DIAPH3: variants seen among roughly 807,000 people sequenced by gnomAD.
The protein encoded by DIAPH3 is diaphanous related formin 3, also known as protein diaphanous homolog 3.
DIAPH3 carries 117 observed loss-of-function variants against 144.3 expected under a neutral mutation model. That is an observed-to-expected ratio of 0.81 (90% CI 0.70 to 0.95). The LOEUF (loss-of-function observed/expected upper bound fraction) is 0.95. Ranked by LOEUF, DIAPH3 falls within the 40% of genes least tolerant of loss-of-function variation. The pLI is 0.00. For synonymous variants in DIAPH3, 519 were observed against 488.9 expected (o/e 1.06, Z -0.81); for missense variants, 1,421 against 1,412.7 (o/e 1.01, Z -0.09).
chr13:60,063,759 T>G (rs1594555944), intron 4 of DIAPH3, among the ~76,000 whole-genome samples: 1 of 152,160 alleles, frequency 6.6e-6, no homozygotes, highest in South Asian at 2.1e-4. Context: ...AAACCCTGTC[T>G]CTACTAAAAA....
At position 59,981,857 on chromosome 13, in the gene DIAPH3, T is replaced by A. The variant is rs181788497; in HGVS notation, c.1481-998A>T. ...TACATAAGTATTATTTCTTGATTTA[T>A]CTATTTAAGACATTATAGATAACTT... On this transcript the variant is annotated intron_variant, in intron 13 of 27. Coordinates refer to ENST00000400324, the MANE Select transcript of DIAPH3 (RefSeq NM_001042517.2). Among the ~76,000 whole-genome samples, 9 of 151,628 alleles carry A rather than the reference T, an allele frequency of 5.9e-5. No homozygotes were observed. The East Asian group carries it at 1.4e-3, about 23-fold the overall frequency.
intron 19 of DIAPH3, among the ~76,000 whole-genome samples, chr13:59,915,826 T>C (rs958999476): frequency 6.6e-6 from 1 of 152,046 alleles, no homozygotes; most frequent in African/African-American, 2.4e-5. Flanking sequence ...GAAAAACACA[T>C]TCTAAAAGGG....
chr13:59,774,973 T>C, intron 25 of DIAPH3, 150 bp from the exon 26 acceptor site: 1 of 686,254 alleles, frequency 1.5e-6, no homozygotes, highest in South Asian at 1.6e-5. Flanking sequence ...GACAGGACTT[T>C]AACTCTCTCA....
chr13:59,711,145 C>T (rs1006104526), intron 27 of DIAPH3, among the ~76,000 whole-genome samples: 11 of 152,070 alleles, frequency 7.2e-5, no homozygotes, highest in Non-Finnish European at 1.5e-4. Flanking sequence ...GTTCTTGAAC[C>T]GTGAAAGTAA....
In DIAPH3 at chr13:59,794,853, T is replaced by C. The variant is rs755206266; in HGVS notation, c.3163+15935A>G. On this transcript the variant is annotated intron_variant, in intron 25 of 27. Transcript: ENST00000400324. ...TAAACATTTTGGAATATTTCTAACATGCTGTTTAGGAATGATTAATTTTCC... is the reference window on the plus strand; with the variant it reads ...TAAACATTTTGGAATATTTCTAACACGCTGTTTAGGAATGATTAATTTTCC... 4.6e-5 allele frequency among the ~76,000 whole-genome samples: 7 copies of C among 152,348 alleles called. No homozygotes were observed. In the East Asian group the frequency reaches 1.3e-3, roughly 29 times the overall value.
chr13:60,068,550 T>C (rs1187199296), intron 4 of DIAPH3, among the ~76,000 whole-genome samples: 1 of 152,162 alleles, frequency 6.6e-6, no homozygotes, highest in Non-Finnish European at 1.5e-5. Context: ...GTTTGTTACT[T>C]GGATAAACTG....
chr13:59,948,355 C>T (rs2048909205), intron 17 of DIAPH3, among the ~76,000 whole-genome samples: 1 of 152,208 alleles, frequency 6.6e-6, no homozygotes, highest in Non-Finnish European at 1.5e-5. Context: ...TATACTTCCA[C>T]ATTTTCTACT....
intron 18 of DIAPH3, among the ~76,000 whole-genome samples, chr13:59,918,538 TAAGAACC>T (rs1383913979): frequency 2.0e-5 from 3 of 151,978 alleles, no homozygotes; most frequent in Admixed American, 6.6e-5. Context: ...GCAACAACAT[TAAGAACC>T]ACGAAAGTAA....
intron 4 of DIAPH3, among the ~76,000 whole-genome samples, chr13:60,062,018 G>A (rs1183479992): frequency 2.6e-5 from 4 of 151,904 alleles, no homozygotes; most frequent in East Asian, 3.9e-4. Context: ...TAACCCCCTC[G>A]GCAGGAGATA....
intron 20 of DIAPH3, among the ~76,000 whole-genome samples, chr13:59,890,742 T>C (rs2045739078): frequency 6.6e-6 from 1 of 152,008 alleles, no homozygotes; most frequent in African/African-American, 2.4e-5. Context: ...TTTTCCAATG[T>C]TAAATTACTG....
rs1042980382 is a variant in DIAPH3 at position 60,095,657 on chromosome 13, T to G, written c.391-1925A>C. On this transcript the variant is annotated intron_variant, in intron 3 of 27. Coordinates refer to ENST00000400324, the MANE Select transcript of DIAPH3 (RefSeq NM_001042517.2). Reference sequence around the variant, plus strand: ...TTTAGTCTGTCTGGACCAGTTTCTGTTTTGATCAGCAGGGTTGTGACTAGA... The same window carrying G: ...TTTAGTCTGTCTGGACCAGTTTCTGGTTTGATCAGCAGGGTTGTGACTAGA... Among the ~76,000 whole-genome samples, 5 of 152,170 alleles carry G rather than the reference T, an allele frequency of 3.3e-5. No homozygotes were observed. The South Asian group carries it at 1.0e-3, about 32-fold the overall frequency.
At chr13:59,749,209 CAAAAAAAAAA>C (rs71197276) in intron 27 of DIAPH3, among the ~76,000 whole-genome samples, 5 of 25,098 alleles carry the variant, frequency 2.0e-4, no homozygotes, top group South Asian at 1.9e-3. Context: ...GACTCTGTCT[CAAAAAAAAAA>C]AAAAAAAAAA....
At chr13:59,947,136 C>A (rs1594088517) in intron 17 of DIAPH3, among the ~76,000 whole-genome samples, 1 of 152,162 alleles carries the variant, frequency 6.6e-6, no homozygotes, top group East Asian at 1.9e-4. Flanking sequence ...TTTTTTTCAT[C>A]CCACTTTCGA....
At chr13:59,828,385 G>A (rs1439395554) in intron 24 of DIAPH3, among the ~76,000 whole-genome samples, 2 of 151,928 alleles carry the variant, frequency 1.3e-5, no homozygotes, top group Admixed American at 6.6e-5. Flanking sequence ...TACCCAAGGA[G>A]TATGAAAAGA....
At chr13:59,764,201 C>T (rs918513929) in intron 27 of DIAPH3, among the ~76,000 whole-genome samples, 3 of 151,778 alleles carry the variant, frequency 2.0e-5, no homozygotes, top group South Asian at 2.1e-4. Context: ...GATTCTTGAG[C>T]GCAATTGTTC....
At chr13:60,116,516 T>C (rs1272704728) in intron 2 of DIAPH3, among the ~76,000 whole-genome samples, 1 of 152,072 alleles carries the variant, frequency 6.6e-6, no homozygotes, top group Non-Finnish European at 1.5e-5. Context: ...ACTACTTCAT[T>C]GCCATCATTT....
chr13:59,912,506 G>C (rs1249378676), intron 19 of DIAPH3, among the ~76,000 whole-genome samples: 3 of 152,096 alleles, frequency 2.0e-5, no homozygotes, highest in Admixed American at 1.3e-4. Context: ...TTAAACAACA[G>C]AACTACTTGA....
chr13:60,046,502 G>A (rs571160031), intron 4 of DIAPH3, among the ~76,000 whole-genome samples: 2 of 152,270 alleles, frequency 1.3e-5, no homozygotes, highest in South Asian at 4.1e-4. Flanking sequence ...TGTAGAAATA[G>A]GAACACTTTT....
intron 27 of DIAPH3, among the ~76,000 whole-genome samples, chr13:59,682,094 T>C (rs2032979222): frequency 6.6e-6 from 1 of 152,186 alleles, no homozygotes; most frequent in South Asian, 2.1e-4. Context: ...CTGTCCATAC[T>C]TATCTTTGCT....
Sources: gnomAD v4.1 joint callset for allele counts (sites outside exome capture counted in the v4.1 genomes callset) on GRCh38, gnomAD v4.1.1 for gene constraint, MANE v1.5 for transcripts, NCBI Gene and HGNC (gene_info 2026-07-23, HGNC 2026-07-21) for gene names.